NAA11: variants seen among roughly 807,000 people sequenced by gnomAD.
NAA11 encodes the protein N-alpha-acetyltransferase 11, NatA catalytic subunit, also known as N-alpha-acetyltransferase 11.
NAA11 carries 15 observed loss-of-function variants against 16.1 expected under a neutral mutation model. That is an observed-to-expected ratio of 0.93 (90% confidence interval 0.62 to 1.44). The LOEUF is 1.44. Among genes scored for constraint, NAA11 ranks in the 40% most tolerant of loss-of-function variants. The pLI, the probability that NAA11 is intolerant of heterozygous loss-of-function variation, is 0.00. For synonymous variants in NAA11, 122 were observed against 112.4 expected (o/e 1.09, Z -0.54); for missense variants, 298 against 291.3 (o/e 1.02, Z -0.17).
rs761201577 is a variant in NAA11 at position 79,325,288 on chromosome 4, G to A, written c.590C>T (p.Pro197Leu). 1.9e-6 allele frequency: 3 copies of A among 1,613,800 alleles called. No individual in the cohort carries two copies. The highest frequency in any genetic ancestry group is 1.7e-5 in the Admixed American group (1 of 59,992). ...GTCACTGCCACTTTCTTCGGTAGCC[G>A]GGTTCTTTTGCTGACAGGCCTCTTC... ...DSEEACQQKN[P>L]ATEESGSDSK... The change falls in exon 1 of 2, where the codon CCG (proline) becomes CTG (leucine). Residue 197 changes from proline to leucine, a missense_variant. Transcript: ENST00000286794.
intron 1 of NAA11, among the ~76,000 whole-genome samples, chr4:79,308,081 TAAAA>T (rs1162441564): frequency 2.0e-5 from 3 of 151,924 alleles, no homozygotes; most frequent in African/African-American, 7.3e-5. Context: ...TTATAAAAAT[TAAAA>T]GAAGAAGAAG....
At chr4:79,223,502 G>A (rs942953355), downstream of NAA11, among the ~76,000 whole-genome samples, 2 of 114,276 alleles carry the variant, frequency 1.8e-5, no homozygotes, top group Admixed American at 1.1e-4. Flanking sequence ...TTGTGGGGTG[G>A]GGGGAGGGGG....
At chr4:79,194,006 C>G in the NAA11 span, among the ~76,000 whole-genome samples, 1 of 152,150 alleles carries the variant, frequency 6.6e-6, no homozygotes, top group Non-Finnish European at 1.5e-5. Flanking sequence ...TGGGCCTTCA[C>G]TCATGATTTG....
chr4:79,183,554 T>C, the NAA11 span, among the ~76,000 whole-genome samples: 1 of 152,154 alleles, frequency 6.6e-6, no homozygotes, highest in Non-Finnish European at 1.5e-5. Context: ...GATGAACTCT[T>C]GACCATTGCA....
At chr4:79,219,914 A>G in the NAA11 span, among the ~76,000 whole-genome samples, 3 of 152,202 alleles carry the variant, frequency 2.0e-5, no homozygotes, top group African/African-American at 7.2e-5. Flanking sequence ...GTCCCCAAAT[A>G]TCAAACCATA....
intron 2 of NAA11, among the ~76,000 whole-genome samples, chr4:79,232,326 A>AT (rs1721485100): frequency 6.6e-6 from 1 of 152,032 alleles, no homozygotes; most frequent in African/African-American, 2.4e-5. Flanking sequence ...CTTTAGCTCC[A>AT]AAACAACTGT....
intron 2 of NAA11, chr4:79,245,284 G>A (rs543408659): frequency 2.8e-4 from 43 of 156,196 alleles, no homozygotes; most frequent in Non-Finnish European, 3.2e-4. Context: ...CCATCATCCC[G>A]TCTAGGAAGT....
chr4:79,157,162 G>A, the NAA11 span, among the ~76,000 whole-genome samples: 1 of 151,930 alleles, frequency 6.6e-6, no homozygotes, highest in South Asian at 2.1e-4. Context: ...ATATGAGTAA[G>A]TTCTTTAGCG....
At chr4:79,276,452 G>A (rs1352411440) in intron 2 of NAA11, among the ~76,000 whole-genome samples, 2 of 152,124 alleles carry the variant, frequency 1.3e-5, no homozygotes, top group Admixed American at 6.5e-5. Context: ...AGGTCAGCCC[G>A]TGAGGGCCAT....
intron 2 of NAA11, among the ~76,000 whole-genome samples, chr4:79,250,190 C>T (rs1169271469): frequency 5.3e-5 from 8 of 151,358 alleles, no homozygotes; most frequent in African/African-American, 1.5e-4. Context: ...AGATTCTCAG[C>T]GGCCACTTGG....
At chr4:79,274,014 T>G (rs1448076136) in intron 2 of NAA11, among the ~76,000 whole-genome samples, 1 of 152,016 alleles carries the variant, frequency 6.6e-6, no homozygotes, top group Non-Finnish European at 1.5e-5. Flanking sequence ...TGTCAGTTGA[T>G]GAACAGAGAT....
the NAA11 span, among the ~76,000 whole-genome samples, chr4:79,208,591 G>C: frequency 6.6e-6 from 1 of 152,032 alleles, no homozygotes; most frequent in Non-Finnish European, 1.5e-5. Flanking sequence ...TATAAAAGGA[G>C]AGATTAAGTC....
chr4:79,283,740 A>G (rs1056005511), intron 2 of NAA11, among the ~76,000 whole-genome samples: 1 of 152,152 alleles, frequency 6.6e-6, no homozygotes, highest in Non-Finnish European at 1.5e-5. Flanking sequence ...TATGCATATC[A>G]TTCAAGTGGT....
the NAA11 span, among the ~76,000 whole-genome samples, chr4:79,165,129 G>A: frequency 6.6e-6 from 1 of 152,202 alleles, no homozygotes; most frequent in African/African-American, 2.4e-5. Context: ...CACCAGAAGA[G>A]CCCATTTATC....
At chr4:79,269,387 T>C (rs1392690093) in intron 2 of NAA11, among the ~76,000 whole-genome samples, 3 of 128,172 alleles carry the variant, frequency 2.3e-5, no homozygotes, top group African/African-American at 6.0e-5. Flanking sequence ...TTTTAATGAT[T>C]GCCATTCTAA....
intron 2 of NAA11, among the ~76,000 whole-genome samples, chr4:79,254,788 CA>C (rs1722071310): frequency 6.6e-6 from 1 of 151,480 alleles, no homozygotes; most frequent in Non-Finnish European, 1.5e-5. Context: ...GTCCAAATGA[CA>C]CATATACCAT....
At chr4:79,220,207 C>T in the NAA11 span, among the ~76,000 whole-genome samples, 2 of 152,222 alleles carry the variant, frequency 1.3e-5, no homozygotes, top group African/African-American at 2.4e-5. Flanking sequence ...ATTCTCCTGC[C>T]TCAGCCTCCC....
chr4:79,157,556 T>C, the NAA11 span, among the ~76,000 whole-genome samples: 2 of 151,580 alleles, frequency 1.3e-5, no homozygotes, highest in Non-Finnish European at 2.9e-5. Context: ...CATGTACACA[T>C]ATGTATATGT....
intron 2 of NAA11, among the ~76,000 whole-genome samples, chr4:79,284,168 C>A (rs1472039422): frequency 6.6e-6 from 1 of 152,060 alleles, no homozygotes; most frequent in Admixed American, 6.6e-5. Context: ...AAATTTAGCT[C>A]AACTTTTATC....
Sources: allele counts gnomAD v4.1 joint callset (sites outside exome capture counted in the v4.1 genomes callset), GRCh38; gene constraint gnomAD v4.1.1; transcripts MANE v1.5; gene names NCBI Gene and HGNC (gene_info 2026-07-23, HGNC 2026-07-21).